Variants in NXN observed in about 807,000 individuals in gnomAD.
NXN encodes the protein nucleoredoxin.
NXN carries 16 observed loss-of-function variants against 48.6 expected under a neutral mutation model. The observed-to-expected ratio is 0.33, with a 90% CI of 0.22 to 0.50. The LOEUF (loss-of-function observed/expected upper bound fraction) is 0.50. Among genes scored for constraint, NXN ranks in the 20% least tolerant of loss-of-function variants. The probability of loss-of-function intolerance (pLI) is 0.98; values close to 1 mark genes in which losing one functional copy is unlikely to be tolerated. For synonymous variants in NXN, 281 were observed against 269.6 expected, an observed-to-expected ratio of 1.04 and a Z score of -0.41; for missense variants, 492 against 605.5, an observed-to-expected ratio of 0.81 and a Z score of 1.97.
chr17:885,230 G>A (rs957337274), intron 1 of NXN, among the ~76,000 whole-genome samples: 11 of 152,152 alleles, frequency 7.2e-5, no homozygotes, highest in African/African-American at 2.7e-4. Context: ...TTGGGAGGCC[G>A]AGACGGGCGG....
chr17:965,567 T>C (rs2069292154), intron 1 of NXN, among the ~76,000 whole-genome samples: 3 of 152,082 alleles, frequency 2.0e-5, no homozygotes, highest in African/African-American at 7.2e-5. Flanking sequence ...CAGGGCAAGT[T>C]TGGAATCGGC....
intron 1 of NXN, among the ~76,000 whole-genome samples, chr17:835,682 C>T (rs1913773926): frequency 6.7e-6 from 1 of 149,892 alleles, no homozygotes; most frequent in Non-Finnish European, 1.5e-5. Context: ...TCCAGCAAAT[C>T]TGAAACACCG....
intron 1 of NXN, among the ~76,000 whole-genome samples, chr17:871,716 A>C: frequency 6.6e-6 from 1 of 152,088 alleles, no homozygotes. Context: ...TTTGCTTTTG[A>C]TAAGTTTCCC....
At chr17:971,202 T>C (rs1296090207) in intron 1 of NXN, among the ~76,000 whole-genome samples, 3 of 151,996 alleles carry the variant, frequency 2.0e-5, no homozygotes, top group Non-Finnish European at 4.4e-5. Context: ...CACCTCGGCT[T>C]CCCACAGTGC....
At position 885,847 on chromosome 17, in the gene NXN, A is replaced by AT. The variant is rs71145784; in HGVS notation, c.361-59770dup. On this transcript the variant is annotated intron_variant, in intron 1 of 7. Coordinates refer to ENST00000336868, the MANE Select transcript of NXN (RefSeq NM_022463.5). ...AGGCGCCCGCCACCACGCCCGGCTAATTTTTTTTTTTTGTATTTTTTTAGT... is the reference window on the plus strand; with the variant it reads ...AGGCGCCCGCCACCACGCCCGGCTAATTTTTTTTTTTTTGTATTTTTTTAGT... Among the ~76,000 whole-genome samples the AT allele has an allele frequency of 9.9e-3, 1,433 of 145,318 alleles. 14 individuals are homozygous for AT. The highest frequency in any genetic ancestry group is 0.034 in the African/African-American group (1,347 of 39,120).
Position 902,272 on chromosome 17 carries a change from G to A in NXN, c.361-76194C>T, listed in dbSNP as rs150054749. The stretch of plus-strand genomic sequence containing the variant: ...GACATAAGCCAACGCTCGCTCTGGC[G>A]TTCTCAGAAACCGTTCCGGTAACAG... On this transcript the variant is annotated intron_variant, in intron 1 of 7. Coordinates refer to ENST00000336868, the MANE Select transcript of NXN (RefSeq NM_022463.5). 7.1e-4 allele frequency among the ~76,000 whole-genome samples: 108 copies of A among 152,290 alleles called. 1 individual carries two copies. Among genetic ancestry groups the A allele is most frequent in the African/African-American group, 2.6e-3 (107 of 41,570 alleles).
intron 7 of NXN, among the ~76,000 whole-genome samples, chr17:802,795 G>C (rs1252728783): frequency 3.3e-5 from 5 of 152,232 alleles, no homozygotes; most frequent in African/African-American, 1.2e-4. Context: ...GGGTGGCACA[G>C]GGTGTCTGGC....
rs1458054251 is a variant in NXN, at chr17:932,702, G to C, written c.360+46617C>G. ...TGAGAGGCACCGACTTTTGCCATCA[G>C]TGGGCAGCGAGTGGGCTGTGTGGTC... On this transcript the variant is annotated intron_variant, in intron 1 of 7. Coordinates refer to ENST00000336868, the MANE Select transcript of NXN (RefSeq NM_022463.5). The surrounding 1 kb of genome is among the most constrained non-coding windows in gnomAD (Gnocchi z 4.1). Among the ~76,000 whole-genome samples, 1 of 152,228 alleles carries C rather than the reference G, an allele frequency of 6.6e-6. No individual in the cohort carries two copies. The highest frequency in any genetic ancestry group is 1.5e-5 in the Non-Finnish European group (1 of 68,036).
chr17:838,428 G>A (rs541737360), intron 1 of NXN, among the ~76,000 whole-genome samples: 105 of 152,152 alleles, frequency 6.9e-4, no homozygotes, highest in Non-Finnish European at 1.1e-3. Context: ...CACCGCGCCC[G>A]GCCATAACAG....
At chr17:957,293 C>T (rs2069181575) in intron 1 of NXN, among the ~76,000 whole-genome samples, 1 of 151,994 alleles carries the variant, frequency 6.6e-6, no homozygotes, top group Non-Finnish European at 1.5e-5. Context: ...ACACAGAAGC[C>T]AGGAACCCCC....
chr17:826,782 C>A (rs892650874), intron 1 of NXN, among the ~76,000 whole-genome samples: 1 of 152,204 alleles, frequency 6.6e-6, no homozygotes, highest in Non-Finnish European at 1.5e-5. Flanking sequence ...AGGGCCAGCC[C>A]CAACCCTCGG....
chr17:824,977 C>A (rs114885597), intron 2 of NXN, among the ~76,000 whole-genome samples: 3,371 of 152,244 alleles, frequency 0.022, 105 homozygotes, highest in African/African-American at 0.076. Context: ...GCCCCACGAT[C>A]CCAGCACTTT....
chr17:804,286 T>A (rs1159587133), intron 6 of NXN, among the ~76,000 whole-genome samples: 2 of 145,258 alleles, frequency 1.4e-5, no homozygotes, highest in Non-Finnish European at 3.0e-5. Context: ...TTTTTTTTTT[T>A]TTTTTTTTTT....
chr17:843,575 A>C (rs922135778), intron 1 of NXN, among the ~76,000 whole-genome samples: 1 of 152,160 alleles, frequency 6.6e-6, no homozygotes, highest in Admixed American at 6.5e-5. Context: ...CTCAGGAGAG[A>C]TCTTAAGAAG....
chr17:819,561 C>T lies in NXN; in HGVS notation c.714-16G>A, dbSNP rs201061087. The T allele has an allele frequency of 8.8e-5, 137 of 1,560,112 alleles. No individual in the cohort carries two copies. The highest frequency in any genetic ancestry group is 3.4e-4 in the Middle Eastern group (2 of 5,854). On this transcript the variant is annotated splice_polypyrimidine_tract_variant and intron_variant, in intron 4 of 7. Coordinates refer to ENST00000336868, the MANE Select transcript of NXN (RefSeq NM_022463.5). ...CTCCTCCGACCTACAGAGAGACACA[C>T]GTGGCGGGCAAGGCTCAGTATCCCC...
intron 1 of NXN, among the ~76,000 whole-genome samples, chr17:893,222 G>A (rs941482801): frequency 6.6e-6 from 1 of 152,194 alleles, no homozygotes; most frequent in Admixed American, 6.5e-5. Flanking sequence ...ATCAGGCCAC[G>A]TTCCTGGACA....
At chr17:943,177 G>A (rs890682665) in intron 1 of NXN, among the ~76,000 whole-genome samples, 2 of 152,210 alleles carry the variant, frequency 1.3e-5, no homozygotes, top group Non-Finnish European at 2.9e-5. Flanking sequence ...TAGCCCCTGC[G>A]CAGGCATCAT....
chr17:810,358 C>T (rs77432469), intron 5 of NXN, among the ~76,000 whole-genome samples: 9,781 of 150,856 alleles, frequency 0.065, 447 homozygotes, highest in Middle Eastern at 0.096. Context: ...GTTAAGAGTC[C>T]GTGTGAGTTG....
At chr17:892,951 T>C (rs1317892937) in intron 1 of NXN, among the ~76,000 whole-genome samples, 1 of 152,230 alleles carries the variant, frequency 6.6e-6, no homozygotes, top group Non-Finnish European at 1.5e-5. Context: ...AAGATGGTAA[T>C]GACAGCAGGA....
Sources: gnomAD v4.1 joint callset for allele counts (sites outside exome capture counted in the v4.1 genomes callset) on GRCh38, gnomAD v4.1.1 for gene constraint, Gnocchi (gnomAD v3.1) non-coding constraint, MANE v1.5 for transcripts, NCBI Gene and HGNC (gene_info 2026-07-23, HGNC 2026-07-21) for gene names.